Variants in CDKL5 observed in about 807,000 individuals in gnomAD.
CDKL5 encodes the protein cyclin dependent kinase like 5, also known as cyclin-dependent kinase-like 5.
A neutral mutation model predicts 61.7 loss-of-function variants in CDKL5; 8 were observed. The observed-to-expected ratio is 0.13, with a 90% CI of 0.08 to 0.23. The LOEUF is 0.23. CDKL5 is among the 10% of genes least tolerant of loss of function. The pLI is 1.00. For synonymous variants in CDKL5, 275 were observed against 272.3 expected (o/e 1.01, Z -0.10); for missense variants, 440 against 734.5 (o/e 0.60, Z 4.63).
At chrX:18,495,022 C>A (rs991565300) in intron 1 of CDKL5, among the ~76,000 whole-genome samples, 7 of 112,023 alleles carry the variant, frequency 6.2e-5, no homozygotes, top group African/African-American at 2.3e-4. Flanking sequence ...TTTCACAAGG[C>A]CGTGCCTTCC....
chrX:18,457,106 A>T (rs1932161065), intron 1 of CDKL5, among the ~76,000 whole-genome samples: 1 of 109,342 alleles, frequency 9.1e-6, no homozygotes, highest in Non-Finnish European at 1.9e-5. Context: ...GGCACCACAT[A>T]CTATTCTCTT....
chrX:18,649,770 G>A (rs753484931), intron 20 of CDKL5, among the ~76,000 whole-genome samples: 22 of 112,315 alleles, frequency 2.0e-4, no homozygotes, highest in Non-Finnish European at 2.8e-4. Flanking sequence ...TGGGGATCCC[G>A]AGGACTGAGT....
chrX:18,521,930 T>C (rs950434601), intron 3 of CDKL5, among the ~76,000 whole-genome samples: 1 of 112,499 alleles, frequency 8.9e-6, no homozygotes, highest in Non-Finnish European at 1.9e-5. Flanking sequence ...CTTCACTGGT[T>C]CGATTACTAT....
chrX:18,484,667 C>G (rs1921721715), intron 1 of CDKL5, among the ~76,000 whole-genome samples: 1 of 111,306 alleles, frequency 9.0e-6, no homozygotes, highest in African/African-American at 3.3e-5. Flanking sequence ...ATGGTTTATC[C>G]CAAGCCCATT....
chrX:18,646,742 C>T (rs887408779), intron 20 of CDKL5, among the ~76,000 whole-genome samples: 9 of 111,039 alleles, frequency 8.1e-5, no homozygotes, highest in Non-Finnish European at 1.7e-4. Context: ...AGGGCTTTTG[C>T]ACCTGCTGTA....
At chrX:18,645,481 C>G (rs6653638) in intron 19 of CDKL5, among the ~76,000 whole-genome samples, 2,230 of 110,117 alleles carry the variant, frequency 0.02, 56 homozygotes, top group African/African-American at 0.07. Flanking sequence ...GAGTTAACCC[C>G]ATCCTTGCAT....
intron 3 of CDKL5, among the ~76,000 whole-genome samples, chrX:18,518,681 G>A (rs1923138070): frequency 1.8e-5 from 2 of 109,892 alleles, no homozygotes; most frequent in Admixed American, 9.8e-5. Context: ...GATTATAGGC[G>A]TGAGCCATCG....
chrX:18,599,188 A>C (rs764874629), intron 11 of CDKL5, among the ~76,000 whole-genome samples: 1 of 112,659 alleles, frequency 8.9e-6, no homozygotes, highest in Admixed American at 9.4e-5. Context: ...ATTATTTTTC[A>C]GCATAATTTT....
chrX:18,623,038 C>CA (rs1012072397), intron 16 of CDKL5, among the ~76,000 whole-genome samples: 7 of 109,408 alleles, frequency 6.4e-5, no homozygotes, highest in African/African-American at 2.0e-4. Context: ...AAAGTGGTGA[C>CA]AAAAAAAAAT....
At chrX:18,456,363 C>T (rs1306629496) in intron 1 of CDKL5, among the ~76,000 whole-genome samples, 1 of 112,032 alleles carries the variant, frequency 8.9e-6, no homozygotes. Context: ...TCCGTCACAA[C>T]CCAATCTTGA....
chrX:18,597,662 T>A (rs1309128249), intron 10 of CDKL5, among the ~76,000 whole-genome samples: 1 of 101,207 alleles, frequency 9.9e-6, no homozygotes, highest in Admixed American at 1.1e-4. Context: ...AATGGTGTGA[T>A]CTCAGCTCAC....
intron 1 of CDKL5, among the ~76,000 whole-genome samples, chrX:18,481,031 G>A (rs1162238236): frequency 9.2e-6 from 1 of 108,692 alleles, no homozygotes; most frequent in East Asian, 2.9e-4. Context: ...CTAAATTTTT[G>A]TATTTTTAAT....
At chrX:18,641,801 G>A, downstream of CDKL5, 1 of 430,082 alleles carries the variant, frequency 2.3e-6, no homozygotes, top group Non-Finnish European at 4.0e-6. Context: ...ACTTTCTCTG[G>A]CCCTGAGTGG....
At chrX:18,591,214 C>G (rs1012981774) in intron 9 of CDKL5, among the ~76,000 whole-genome samples, 1 of 111,931 alleles carries the variant, frequency 8.9e-6, no homozygotes, top group Admixed American at 9.5e-5. Context: ...ATTATTTTGT[C>G]TGTTTCTTTA....
intron 1 of CDKL5, among the ~76,000 whole-genome samples, chrX:18,469,329 ACT>A (rs1339015687): frequency 1.5e-4 from 10 of 68,684 alleles, no homozygotes; most frequent in Admixed American, 1.1e-3. Context: ...ACAGAGTGAG[ACT>A]CTGTCTCAAA....
intron 3 of CDKL5, among the ~76,000 whole-genome samples, chrX:18,558,725 A>G (rs774916707): frequency 5.4e-5 from 6 of 111,869 alleles, no homozygotes; most frequent in Non-Finnish European, 9.4e-5. Flanking sequence ...AAAATAAGCA[A>G]CCATCTCACT....
Position 18,608,835 on chromosome X carries a change from A to G in CDKL5, c.1969A>G (p.Met657Val). ...GCCTGGAGAACAGCTCCCTCCAGAGATGACTGTGGCAAGATCTTCGGTCAA... is the reference window on the plus strand; with the variant it reads ...GCCTGGAGAACAGCTCCCTCCAGAGGTGACTGTGGCAAGATCTTCGGTCAA... ...PQPGEQLPPE[M>V]TVARSSVKET... Residue 657 changes from methionine to valine, a missense_variant, in exon 13 of 18, where the codon ATG becomes GTG. Met to Val is a conservative substitution (Grantham distance 21). Coordinates refer to ENST00000623535, the MANE Select transcript of CDKL5 (RefSeq NM_001323289.2). 4 of 1,207,128 alleles carry G rather than the reference A, an allele frequency of 3.3e-6. No homozygotes were observed. Among genetic ancestry groups the G allele is most frequent in the Non-Finnish European group, 4.5e-6 (4 of 891,544 alleles).
intron 1 of CDKL5, among the ~76,000 whole-genome samples, chrX:18,498,724 A>G (rs1158486482): frequency 8.9e-6 from 1 of 112,086 alleles, no homozygotes. Flanking sequence ...TTCTTTTGTG[A>G]TTGATCAACT....
intron 1 of CDKL5, among the ~76,000 whole-genome samples, chrX:18,451,353 C>T (rs757972718): frequency 2.7e-5 from 3 of 109,935 alleles, no homozygotes; most frequent in Admixed American, 1.9e-4. Flanking sequence ...CACCACACAC[C>T]GCTAATTTTT....
Sources: allele counts gnomAD v4.1 joint callset (sites outside exome capture counted in the v4.1 genomes callset), GRCh38; gene constraint gnomAD v4.1.1; transcripts MANE v1.5; gene names NCBI Gene and HGNC (gene_info 2026-07-23, HGNC 2026-07-21).